CERS6: variants seen among roughly 807,000 people sequenced by gnomAD.
CERS6 encodes LAG1 homolog, ceramide synthase 6.
In CERS6, 26 loss-of-function variants were observed where a neutral mutation model predicts 56.8. The ratio of observed to expected loss-of-function variants is 0.46; its 90% confidence interval spans 0.34 to 0.63. The LOEUF (loss-of-function observed/expected upper bound fraction) is 0.63, where lower values mean the gene tolerates loss of function less well. Ranked by LOEUF, CERS6 falls within the 30% of genes least tolerant of loss-of-function variation. CERS6 has a pLI of 0.01. For missense variants in CERS6, 415 were observed against 467.5 expected, an observed-to-expected ratio of 0.89 and a Z score of 1.04; for synonymous variants, 164 against 173.3, an observed-to-expected ratio of 0.95 and a Z score of 0.42.
At chr2:168,501,799 C>A (rs1458366721) in intron 1 of CERS6, among the ~76,000 whole-genome samples, 1 of 152,212 alleles carries the variant, frequency 6.6e-6, no homozygotes, top group Non-Finnish European at 1.5e-5. Flanking sequence ...TTTCCAGTAC[C>A]TGGCTGGTGA....
intron 3 of CERS6, among the ~76,000 whole-genome samples, chr2:168,572,983 A>T (rs908237531): frequency 6.6e-6 from 1 of 152,172 alleles, no homozygotes; most frequent in African/African-American, 2.4e-5. Flanking sequence ...GCTTGAGTTT[A>T]TTCTTTCAAA....
At chr2:168,619,687 A>G (rs1243733285) in intron 3 of CERS6, among the ~76,000 whole-genome samples, 1 of 152,006 alleles carries the variant, frequency 6.6e-6, no homozygotes, top group Non-Finnish European at 1.5e-5. Flanking sequence ...GAATGGCCAT[A>G]ATAAAATCAA....
chr2:168,608,890 TA>T (rs1467357597), intron 3 of CERS6, among the ~76,000 whole-genome samples: 5 of 152,204 alleles, frequency 3.3e-5, no homozygotes, highest in African/African-American at 7.2e-5. Flanking sequence ...AGATTTCCAA[TA>T]TTTTTTTCTC....
intron 3 of CERS6, among the ~76,000 whole-genome samples, chr2:168,618,227 T>C (rs1684366480): frequency 6.6e-6 from 1 of 152,170 alleles, no homozygotes; most frequent in Admixed American, 6.6e-5. Flanking sequence ...TCAGCAGACA[T>C]ACCTGAATGT....
chr2:168,522,444 T>A (rs1694999103), intron 1 of CERS6, among the ~76,000 whole-genome samples: 1 of 152,204 alleles, frequency 6.6e-6, no homozygotes, highest in South Asian at 2.1e-4. Flanking sequence ...TTCTGAACAA[T>A]TTTCCCTGTT....
intron 4 of CERS6, among the ~76,000 whole-genome samples, chr2:168,673,588 G>C (rs963290194): frequency 6.6e-6 from 1 of 152,128 alleles, no homozygotes; most frequent in Non-Finnish European, 1.5e-5. Context: ...TTTTATACAT[G>C]AGCAGCCAGA....
At chr2:168,496,989 A>G (rs1694483485) in intron 1 of CERS6, among the ~76,000 whole-genome samples, 1 of 152,218 alleles carries the variant, frequency 6.6e-6, no homozygotes, top group African/African-American at 2.4e-5. Flanking sequence ...TGTCTCTAAA[A>G]GTCTTCTATC....
chr2:168,487,891 A>G (rs1391493462), intron 1 of CERS6, among the ~76,000 whole-genome samples: 1 of 151,202 alleles, frequency 6.6e-6, no homozygotes, highest in Non-Finnish European at 1.5e-5. Flanking sequence ...TAATTTTTAA[A>G]TTTTTTTTTG....
At chr2:168,742,508 A>G (rs962965446) in intron 8 of CERS6, among the ~76,000 whole-genome samples, 5 of 152,194 alleles carry the variant, frequency 3.3e-5, no homozygotes, top group African/African-American at 1.2e-4. Context: ...AGCACCTATT[A>G]TTTGATAAAG....
intron 4 of CERS6, among the ~76,000 whole-genome samples, chr2:168,635,415 G>A (rs1032187471): frequency 1.3e-5 from 2 of 152,112 alleles, no homozygotes; most frequent in Admixed American, 6.6e-5. Flanking sequence ...GGGGATGAAC[G>A]TGATGACAAG....
chr2:168,645,148 G>C (rs1322757845), intron 4 of CERS6, among the ~76,000 whole-genome samples: 1 of 29,436 alleles, frequency 3.4e-5, no homozygotes, highest in African/African-American at 2.6e-4. Flanking sequence ...TATATAGAGA[G>C]AGAGAGAGAG....
chr2:168,634,452 G>A (rs563602604), intron 4 of CERS6, among the ~76,000 whole-genome samples: 10 of 152,142 alleles, frequency 6.6e-5, no homozygotes, highest in South Asian at 6.2e-4. Flanking sequence ...TCGCTCTGCC[G>A]CCCAGGCTGG....
intron 8 of CERS6, among the ~76,000 whole-genome samples, chr2:168,727,671 A>C (rs1461689087): frequency 1.3e-5 from 2 of 152,280 alleles, no homozygotes; most frequent in African/African-American, 4.8e-5. Flanking sequence ...TATTTTTCAA[A>C]ATGTATTTTA....
At chr2:168,497,436 T>A (rs192099546) in intron 1 of CERS6, among the ~76,000 whole-genome samples, 1 of 151,794 alleles carries the variant, frequency 6.6e-6, no homozygotes, top group African/African-American at 2.4e-5. Context: ...GAAAGAAAGA[T>A]AGATACCTAA....
intron 1 of CERS6, among the ~76,000 whole-genome samples, chr2:168,486,852 A>G (rs907871192): frequency 2.0e-5 from 3 of 152,144 alleles, no homozygotes; most frequent in Non-Finnish European, 4.4e-5. Context: ...AAGGACCAGC[A>G]TTTCACATCT....
intron 5 of CERS6, among the ~76,000 whole-genome samples, chr2:168,694,005 G>A (rs770920917): frequency 2.6e-5 from 4 of 152,142 alleles, no homozygotes; most frequent in Admixed American, 1.3e-4. Flanking sequence ...TGCTATTGGT[G>A]TACAAAACAC....
At chr2:168,617,336 G>T (rs533165101) in intron 3 of CERS6, among the ~76,000 whole-genome samples, 2 of 151,852 alleles carry the variant, frequency 1.3e-5, no homozygotes, top group Non-Finnish European at 2.9e-5. Context: ...GGAGTAGCAA[G>T]AACAAACCAA....
At chr2:168,462,337 AG>A (rs1423413455) in intron 1 of CERS6, among the ~76,000 whole-genome samples, 1 of 152,150 alleles carries the variant, frequency 6.6e-6, no homozygotes, top group Non-Finnish European at 1.5e-5. Flanking sequence ...AAAGGTAAAC[AG>A]GATTGCCTCG....
chr2:168,715,191 A>C, intron 7 of CERS6, 62 bp downstream of exon 7: 602 of 1,457,448 alleles, frequency 4.1e-4, no homozygotes, highest in Non-Finnish European at 4.8e-4. Flanking sequence ...CCCCAATCTC[A>C]TTAGCTCTTC....
Sources: gnomAD v4.1 joint callset for allele counts (sites outside exome capture counted in the v4.1 genomes callset) on GRCh38, gnomAD v4.1.1 for gene constraint, MANE v1.5 for transcripts, NCBI Gene and HGNC (gene_info 2026-07-23, HGNC 2026-07-21) for gene names.